The following CDH2 variants were observed in gnomAD, a reference collection of about 807,000 sequenced individuals.
CDH2 encodes the protein cadherin 2.
A neutral mutation model predicts 92.0 loss-of-function variants in CDH2; 17 were observed. That is an observed-to-expected ratio of 0.18 (90% CI 0.13 to 0.28). CDH2 has a LOEUF of 0.28. Among genes scored for constraint, CDH2 ranks in the 10% least tolerant of loss-of-function variants. The pLI, the probability that CDH2 is intolerant of heterozygous loss-of-function variation, is 1.00. For synonymous variants in CDH2, 419 were observed against 415.9 expected (o/e 1.01, Z -0.09); for missense variants, 862 against 1,133.1 (o/e 0.76, Z 3.44).
Position 27,963,366 on chromosome 18 carries a change from G to C in CDH2, c.2505C>G (p.Phe835Leu), listed in dbSNP as rs2011458008. The C allele has an allele frequency of 2.5e-6, 4 of 1,613,840 alleles. No individual in the cohort carries two copies. The African/African-American group carries it at 5.3e-5, about 22-fold the overall frequency. The change falls in exon 15 of 16, where the codon TTC becomes TTG. Residue 835 changes from phenylalanine to leucine, a missense_variant. By Grantham distance (22) the Phe-to-Leu change is conservative (BLOSUM62 0). Transcript: ENST00000269141. ...AAPHPGDIGDFINEGLKAADN... is the reference protein window; with the variant it reads ...AAPHPGDIGDLINEGLKAADN... The stretch of plus-strand genomic sequence containing the variant: ...GAGTGTCTCTCTGTACCTCATTAAT[G>C]AAGTCCCCAATGTCTCCAGGGTGTG...
At chr18:28,142,173 G>A (rs766546083) in intron 2 of CDH2, among the ~76,000 whole-genome samples, 12 of 151,956 alleles carry the variant, frequency 7.9e-5, no homozygotes, top group Non-Finnish European at 1.6e-4. Context: ...TAAAAGGACA[G>A]GTTTTAAACC....
At chr18:27,996,007 G>A (rs778630350) in intron 7 of CDH2, among the ~76,000 whole-genome samples, 3 of 152,062 alleles carry the variant, frequency 2.0e-5, no homozygotes, top group South Asian at 4.1e-4. Flanking sequence ...TTAAGTGTTC[G>A]ACTTCCCACT....
At chr18:27,999,399 A>C (rs1390844524) in intron 7 of CDH2, among the ~76,000 whole-genome samples, 1 of 152,146 alleles carries the variant, frequency 6.6e-6, no homozygotes, top group East Asian at 1.9e-4. Flanking sequence ...CAACCTGTAG[A>C]GGAAGGAAGA....
intron 2 of CDH2, among the ~76,000 whole-genome samples, chr18:28,136,387 T>C (rs76546636): frequency 7.5e-6 from 1 of 132,572 alleles, no homozygotes; most frequent in Non-Finnish European, 1.6e-5. Context: ...TGCTGTAATC[T>C]TTTTTTTTTT....
intron 1 of CDH2, among the ~76,000 whole-genome samples, chr18:28,176,481 G>A (rs1162324932): frequency 1.3e-5 from 2 of 152,212 alleles, no homozygotes; most frequent in Non-Finnish European, 1.5e-5. Context: ...ACGGGTGCAG[G>A]GTGGGGTAAG....
chr18:28,107,513 A>C (rs867528435), intron 2 of CDH2, among the ~76,000 whole-genome samples: 13 of 152,290 alleles, frequency 8.5e-5, no homozygotes, highest in Middle Eastern at 6.8e-3. Context: ...ACGAGAACCA[A>C]ATAAATGACT....
At chr18:28,018,434 A>C (rs1383997637) in intron 2 of CDH2, among the ~76,000 whole-genome samples, 5 of 152,144 alleles carry the variant, frequency 3.3e-5, no homozygotes, top group Non-Finnish European at 7.4e-5. Flanking sequence ...ACATAGCCAA[A>C]GCAAGACTAA....
intron 2 of CDH2, among the ~76,000 whole-genome samples, chr18:28,075,606 T>G (rs1225366942): frequency 6.6e-6 from 1 of 152,186 alleles, no homozygotes; most frequent in African/African-American, 2.4e-5. Flanking sequence ...TGCACAGTGC[T>G]TTCTCAAACA....
intron 2 of CDH2, among the ~76,000 whole-genome samples, chr18:28,049,113 G>A (rs1279414771): frequency 6.6e-6 from 1 of 151,976 alleles, no homozygotes; most frequent in African/African-American, 2.4e-5. Flanking sequence ...GCGGTGTCAC[G>A]ACATCTATTG....
At position 28,177,096 on chromosome 18, in the gene CDH2, C is replaced by A; in HGVS notation, c.-74G>T. 2.6e-6 allele frequency: 3 copies of A among 1,152,316 alleles called. No homozygotes were observed. The highest frequency in any genetic ancestry group is 1.7e-5 in the African/African-American group (1 of 58,894). The allele number at this position is 1,152,316 out of a possible 1,614,324, so 71.4% of individuals were successfully genotyped here. A position where few individuals can be genotyped will look rare whatever the true frequency, so the allele number is the denominator to read the frequency against. ...GCGGCGGCGGCGGAGGAGGAGGAGG[C>A]AGCGGCAGCACCAACAGCGGCGCGG... On this transcript the variant is annotated 5_prime_UTR_variant, in exon 1 of 16. Transcript: ENST00000269141.
At chr18:28,067,481 A>G (rs2014531877) in intron 2 of CDH2, among the ~76,000 whole-genome samples, 1 of 152,138 alleles carries the variant, frequency 6.6e-6, no homozygotes, top group Non-Finnish European at 1.5e-5. Flanking sequence ...GGAATCATAC[A>G]ATATGTGGTC....
intron 2 of CDH2, among the ~76,000 whole-genome samples, chr18:28,082,374 G>A (rs1392093478): frequency 6.6e-6 from 1 of 152,090 alleles, no homozygotes; most frequent in Non-Finnish European, 1.5e-5. Context: ...TCACACAACT[G>A]TACTTCAGCC....
At chr18:28,060,289 C>G (rs2014377110) in intron 2 of CDH2, among the ~76,000 whole-genome samples, 3 of 152,112 alleles carry the variant, frequency 2.0e-5, no homozygotes, top group Admixed American at 1.3e-4. Flanking sequence ...CAGGTTCAAG[C>G]AATTCTCCTG....
chr18:27,976,797 C>A (rs1316006341), intron 14 of CDH2, among the ~76,000 whole-genome samples: 1 of 152,140 alleles, frequency 6.6e-6, no homozygotes, highest in Non-Finnish European at 1.5e-5. Flanking sequence ...GTGAGCACCA[C>A]TGACTGAGCA....
At chr18:27,950,448 C>A (rs1326973654), downstream of CDH2, among the ~76,000 whole-genome samples, 1 of 152,074 alleles carries the variant, frequency 6.6e-6, no homozygotes, top group Non-Finnish European at 1.5e-5. Context: ...CAAACTGAAG[C>A]AAATGATCAA....
chr18:27,970,014 T>TA (rs576402678), intron 14 of CDH2, among the ~76,000 whole-genome samples: 6 of 151,194 alleles, frequency 4.0e-5, no homozygotes, highest in Middle Eastern at 3.4e-3. Flanking sequence ...AAAATAATAA[T>TA]AAAAAAATTA....
At chr18:27,944,141 T>A (rs1194555213) in intron 6 of CDH2, among the ~76,000 whole-genome samples, 1 of 152,174 alleles carries the variant, frequency 6.6e-6, no homozygotes, top group Non-Finnish European at 1.5e-5. Context: ...ACAAAATGTC[T>A]TTACCATATA....
intron 2 of CDH2, among the ~76,000 whole-genome samples, chr18:28,138,877 G>C: frequency 6.6e-6 from 1 of 152,170 alleles, no homozygotes; most frequent in African/African-American, 2.4e-5. Flanking sequence ...AACGGTGAGA[G>C]CACTCCAAAG....
At chr18:28,166,572 A>C (rs1220193096) in intron 1 of CDH2, among the ~76,000 whole-genome samples, 1 of 152,214 alleles carries the variant, frequency 6.6e-6, no homozygotes, top group Non-Finnish European at 1.5e-5. Flanking sequence ...GTCCTCAAAC[A>C]CAAACATGGT....
Sources: allele counts gnomAD v4.1 joint callset (sites outside exome capture counted in the v4.1 genomes callset), GRCh38; gene constraint gnomAD v4.1.1; transcripts MANE v1.5; gene names NCBI Gene and HGNC (gene_info 2026-07-23, HGNC 2026-07-21).